NXPH1: variants seen among roughly 807,000 people sequenced by gnomAD.
NXPH1 encodes the protein neurexophilin-1.
Under a neutral mutation model 23.7 loss-of-function variants are expected in NXPH1, and 5 were observed. The observed-to-expected ratio is 0.21, with a 90% CI of 0.11 to 0.44. The LOEUF (loss-of-function observed/expected upper bound fraction) is 0.44, where lower values mean the gene tolerates loss of function less well. Among genes scored for constraint, NXPH1 ranks in the 20% least tolerant of loss-of-function variants. NXPH1 has a pLI of 0.99. For synonymous variants in NXPH1, 144 were observed against 122.2 expected (o/e 1.18, Z -1.18); for missense variants, 324 against 321.6 (o/e 1.01, Z -0.06).
At chr7:8,537,351 A>C (rs961656101) in intron 2 of NXPH1, among the ~76,000 whole-genome samples, 5 of 152,002 alleles carry the variant, frequency 3.3e-5, no homozygotes, top group African/African-American at 1.2e-4. Context: ...GGTAATTCAT[A>C]AAGGAAAGAG....
chr7:8,631,417 T>G lies in NXPH1; in HGVS notation c.55-119591T>G, dbSNP rs142355746. ...AAAGCAATGGCAACAAAATCAAAAA[T>G]TGACAAATGGAATCTAATTAAACTA... On this transcript the variant is annotated intron_variant, in intron 2 of 2. Transcript: ENST00000405863. Among the ~76,000 whole-genome samples the G allele has an allele frequency of 5.3e-3, 803 of 152,214 alleles. 4 individuals carry two copies. The highest frequency in any genetic ancestry group is 8.2e-3 in the Non-Finnish European group (556 of 67,996).
intron 2 of NXPH1, among the ~76,000 whole-genome samples, chr7:8,490,928 C>A (rs1213457008): frequency 6.6e-6 from 1 of 151,994 alleles, no homozygotes; most frequent in Admixed American, 6.6e-5. Context: ...TTACAAAATG[C>A]ATAAGAACAT....
intron 2 of NXPH1, among the ~76,000 whole-genome samples, chr7:8,609,524 G>A (rs1819572121): frequency 2.0e-5 from 3 of 152,106 alleles, no homozygotes; most frequent in South Asian, 2.1e-4. Context: ...TGACTGTGAC[G>A]TACTTTGAGA....
At chr7:8,567,201 A>G (rs1176050335) in intron 2 of NXPH1, among the ~76,000 whole-genome samples, 1 of 151,922 alleles carries the variant, frequency 6.6e-6, no homozygotes, top group Non-Finnish European at 1.5e-5. Flanking sequence ...ATAACAGTTT[A>G]AGTTCTTTTG....
chr7:8,741,098 C>A (rs1780353396), intron 2 of NXPH1, among the ~76,000 whole-genome samples: 1 of 152,268 alleles, frequency 6.6e-6, no homozygotes, highest in South Asian at 2.1e-4. Context: ...CTTCCTGTTT[C>A]TGAGTTCCAC....
chr7:8,456,072 A>G (rs1022574201), intron 2 of NXPH1, among the ~76,000 whole-genome samples: 1 of 152,194 alleles, frequency 6.6e-6, no homozygotes, highest in Non-Finnish European at 1.5e-5. Context: ...AGTGGTGAAT[A>G]TGAGGCATAG....
At position 8,676,806 on chromosome 7, in the gene NXPH1, GT is replaced by G. The variant is rs1230116152; in HGVS notation, c.55-74198del. 1.1e-4 allele frequency among the ~76,000 whole-genome samples: 17 copies of G among 152,286 alleles called. 2 individuals are homozygous for G. Among genetic ancestry groups the G allele is most frequent in the African/African-American group, 3.8e-4 (16 of 41,570 alleles). On this transcript the variant is annotated intron_variant, in intron 2 of 2. Coordinates refer to ENST00000405863, the MANE Select transcript of NXPH1 (RefSeq NM_152745.3). The stretch of plus-strand genomic sequence containing the variant: ...GAAAACATACTGTTTGGGACCTATA[GT>G]TTTATACTCTGTTGTTTCAAATCTC...
chr7:8,751,610 C>T lies in NXPH1; in HGVS notation c.657C>T (p.Tyr219=), dbSNP rs1201107424. ...ACTATGACCCTTCAAAAACCTGTTACCAGGAGCAAACCCAAAGTCATGTAT... is the reference window on the plus strand; with the variant it reads ...ACTATGACCCTTCAAAAACCTGTTATCAGGAGCAAACCCAAAGTCATGTAT... ...LCNYDPSKTC[Y]QEQTQSHVSW... Residue 219 remains tyrosine, a synonymous_variant, in exon 3 of 3, where the codon TAC becomes TAT. Coordinates refer to ENST00000405863, the MANE Select transcript of NXPH1 (RefSeq NM_152745.3). The surrounding 1 kb of genome is among the most constrained non-coding windows in gnomAD (Gnocchi z 4.5). 2.5e-6 allele frequency: 4 copies of T among 1,613,424 alleles called. No homozygotes were observed. The highest frequency in any genetic ancestry group is 3.4e-6 in the Non-Finnish European group (4 of 1,179,744).
intron 2 of NXPH1, among the ~76,000 whole-genome samples, chr7:8,626,232 G>A (rs1819984753): frequency 1.3e-5 from 2 of 151,932 alleles, no homozygotes; most frequent in Admixed American, 1.3e-4. Context: ...TGCTGGTAGT[G>A]ACCTCATATT....
rs879443992 is a variant in NXPH1, at chr7:8,752,946, T to TA, written c.*1180dup. On this transcript the variant is annotated 3_prime_UTR_variant, in exon 3 of 3. Transcript: ENST00000405863. The stretch of plus-strand genomic sequence containing the variant: ...GAAATGTACATAAAAATAAAACACT[T>TA]AAAGTTGAGTTTCAATATGTACTTG... 6 of 152,550 alleles carry TA rather than the reference T, an allele frequency of 3.9e-5. No homozygotes were observed. The highest frequency in any genetic ancestry group is 8.8e-5 in the Non-Finnish European group (6 of 68,016). The allele number at this position is 152,550 out of a possible 1,614,324, so 9.4% of individuals were successfully genotyped here.
At chr7:8,645,238 A>C (rs538886529) in intron 2 of NXPH1, among the ~76,000 whole-genome samples, 98 of 152,284 alleles carry the variant, frequency 6.4e-4, no homozygotes, top group African/African-American at 2.2e-3. Context: ...ATTTTATTAG[A>C]TAACTTAACC....
intron 2 of NXPH1, among the ~76,000 whole-genome samples, chr7:8,599,601 C>T (rs1292720471): frequency 6.6e-6 from 1 of 152,078 alleles, no homozygotes; most frequent in Non-Finnish European, 1.5e-5. Flanking sequence ...GTTTGTCTTA[C>T]TGCCTTCAAT....
chr7:8,498,446 C>A (rs1019923146), intron 2 of NXPH1, among the ~76,000 whole-genome samples: 2 of 151,932 alleles, frequency 1.3e-5, no homozygotes, highest in African/African-American at 4.8e-5. Flanking sequence ...TATTTTTTCC[C>A]CCTACTTTTG....
intron 2 of NXPH1, among the ~76,000 whole-genome samples, chr7:8,668,754 C>A (rs1349660831): frequency 6.6e-6 from 1 of 152,112 alleles, no homozygotes; most frequent in Non-Finnish European, 1.5e-5. Flanking sequence ...TGCAGCAGGC[C>A]TGAAGCTTGT....
At chr7:8,611,003 T>C (rs1289366568) in intron 2 of NXPH1, among the ~76,000 whole-genome samples, 4 of 152,170 alleles carry the variant, frequency 2.6e-5, no homozygotes, top group Admixed American at 1.3e-4. Flanking sequence ...GTCTGGATAA[T>C]AGCCATTGTG....
chr7:8,472,427 A>G (rs1563320370), intron 2 of NXPH1, among the ~76,000 whole-genome samples: 2 of 152,170 alleles, frequency 1.3e-5, no homozygotes, highest in African/African-American at 4.8e-5. Flanking sequence ...CCATTTTACA[A>G]ATGAGAGACT....
intron 2 of NXPH1, among the ~76,000 whole-genome samples, chr7:8,677,895 C>A (rs1456976622): frequency 6.6e-6 from 1 of 151,750 alleles, no homozygotes; most frequent in African/African-American, 2.4e-5. Flanking sequence ...ATTACATTAC[C>A]AAATAGTTGC....
intron 2 of NXPH1, among the ~76,000 whole-genome samples, chr7:8,560,113 C>G (rs939170964): frequency 3.3e-5 from 5 of 151,698 alleles, no homozygotes; most frequent in African/African-American, 1.2e-4. Context: ...ATTAATATAA[C>G]TCATTGCTGC....
At chr7:8,625,416 T>G (rs7778480) in intron 2 of NXPH1, among the ~76,000 whole-genome samples, 58,004 of 151,924 alleles carry the variant, frequency 0.38, 12,160 homozygotes, top group African/African-American at 0.57. Context: ...ATCCTATTAG[T>G]TCCAAATATG....
Sources: allele counts gnomAD v4.1 joint callset (sites outside exome capture counted in the v4.1 genomes callset), GRCh38; gene constraint gnomAD v4.1.1; non-coding constraint Gnocchi (gnomAD v3.1); transcripts MANE v1.5; gene names NCBI Gene and HGNC (gene_info 2026-07-23, HGNC 2026-07-21).